AKAP19: variants seen among roughly 807,000 people sequenced by gnomAD.
AKAP19 encodes small A-kinase anchoring protein.
chr2:190,187,840 G>C, the AKAP19 span, among the ~76,000 whole-genome samples: 5 of 152,188 alleles, frequency 3.3e-5, no homozygotes, highest in Non-Finnish European at 7.3e-5. Flanking sequence ...GCGATGGACT[G>C]AGACCCTGGC....
the AKAP19 span, among the ~76,000 whole-genome samples, chr2:189,892,256 T>A: frequency 1.3e-5 from 2 of 152,094 alleles, no homozygotes; most frequent in Non-Finnish European, 2.9e-5. Context: ...ACTCATTATC[T>A]GTCCAGTTTT....
chr2:190,132,146 ATAAAT>A, the AKAP19 span, among the ~76,000 whole-genome samples: 9 of 152,360 alleles, frequency 5.9e-5, 1 homozygote, highest in Admixed American at 5.9e-4. Context: ...CATTTATGAA[ATAAAT>A]TGAAGACACA....
chr2:190,200,701 G>A, the AKAP19 span: 1 of 169,734 alleles, frequency 5.9e-6, no homozygotes, highest in Non-Finnish European at 1.4e-5. Context: ...GATGAGAAGT[G>A]TAACTACCAC....
the AKAP19 span, among the ~76,000 whole-genome samples, chr2:189,945,800 A>C: frequency 1.3e-5 from 2 of 152,138 alleles, no homozygotes; most frequent in Non-Finnish European, 2.9e-5. Flanking sequence ...TCAGGAGACT[A>C]TTTATTCTGA....
At chr2:190,123,846 C>A in the AKAP19 span, among the ~76,000 whole-genome samples, 2 of 152,148 alleles carry the variant, frequency 1.3e-5, no homozygotes, top group Non-Finnish European at 2.9e-5. Context: ...GAAGATCCAC[C>A]CTCAATGTGA....
At chr2:189,982,786 G>A in the AKAP19 span, among the ~76,000 whole-genome samples, 15 of 151,998 alleles carry the variant, frequency 9.9e-5, no homozygotes, top group Admixed American at 3.3e-4. Flanking sequence ...CTCTGTAGGG[G>A]CTCTTTGGTT....
chr2:189,954,658 A>G, the AKAP19 span, among the ~76,000 whole-genome samples: 1 of 152,154 alleles, frequency 6.6e-6, no homozygotes, highest in African/African-American at 2.4e-5. Context: ...CAACTAACAC[A>G]TTTTTGCATC....
At chr2:190,067,428 A>G in the AKAP19 span, among the ~76,000 whole-genome samples, 88 of 152,298 alleles carry the variant, frequency 5.8e-4, no homozygotes, top group African/African-American at 2.0e-3. Flanking sequence ...TTTAACTTAC[A>G]GTCCCCTCCT....
the AKAP19 span, among the ~76,000 whole-genome samples, chr2:190,168,302 G>C: frequency 1.7e-4 from 26 of 152,224 alleles, no homozygotes; most frequent in African/African-American, 6.0e-4. Context: ...CACAGCATGG[G>C]TAGCCTGGGC....
At chr2:190,144,190 A>AG in the AKAP19 span, among the ~76,000 whole-genome samples, 6 of 150,544 alleles carry the variant, frequency 4.0e-5, no homozygotes, top group East Asian at 1.9e-4. Context: ...AGAAAAGAAA[A>AG]AAAATATTAA....
At chr2:190,198,814 T>TCCTTAAGTC in the AKAP19 span, among the ~76,000 whole-genome samples, 9 of 152,116 alleles carry the variant, frequency 5.9e-5, no homozygotes, top group Non-Finnish European at 1.0e-4. Flanking sequence ...GTTTTAGTTA[T>TCCTTAAGTC]CCTTAAGTCC....
At chr2:190,121,830 G>C in the AKAP19 span, among the ~76,000 whole-genome samples, 1 of 152,196 alleles carries the variant, frequency 6.6e-6, no homozygotes, top group Non-Finnish European at 1.5e-5. Context: ...ATTACTTAGA[G>C]GTTGGTCCTA....
the AKAP19 span, among the ~76,000 whole-genome samples, chr2:189,944,986 T>G: frequency 6.6e-6 from 1 of 152,152 alleles, no homozygotes; most frequent in Non-Finnish European, 1.5e-5. Context: ...AATATGCTCC[T>G]AAATGACCAA....
the AKAP19 span, among the ~76,000 whole-genome samples, chr2:190,074,277 A>G: frequency 6.6e-6 from 1 of 152,184 alleles, no homozygotes; most frequent in Non-Finnish European, 1.5e-5. Context: ...AAAAGAAATG[A>G]GAGGGGAATA....
the AKAP19 span, among the ~76,000 whole-genome samples, chr2:190,190,575 G>T: frequency 8.6e-5 from 13 of 150,818 alleles, no homozygotes; most frequent in African/African-American, 3.1e-4. Context: ...ATCTAGAAAT[G>T]AAATGGCTGG....
the AKAP19 span, among the ~76,000 whole-genome samples, chr2:190,038,901 T>TTTCTTCTTCTTC: frequency 6.8e-3 from 312 of 45,992 alleles, 9 homozygotes; most frequent in Non-Finnish European, 9.3e-3. Flanking sequence ...TCTTTCTTTC[T>TTTCTTCTTCTTC]TTCTTCTTCT....
At chr2:190,162,108 C>T in the AKAP19 span, among the ~76,000 whole-genome samples, 4 of 152,000 alleles carry the variant, frequency 2.6e-5, no homozygotes, top group South Asian at 4.2e-4. Context: ...TGTGAGCAAA[C>T]GTGTTTTCTT....
At chr2:190,145,858 A>AAT in the AKAP19 span, among the ~76,000 whole-genome samples, 2 of 141,518 alleles carry the variant, frequency 1.4e-5, no homozygotes, top group East Asian at 2.0e-4. Context: ...TATAAAAAGA[A>AAT]ATATATATAT....
At chr2:190,005,263 T>A in the AKAP19 span, among the ~76,000 whole-genome samples, 1 of 152,212 alleles carries the variant, frequency 6.6e-6, no homozygotes, top group South Asian at 2.1e-4. Flanking sequence ...GGTGGCCAGC[T>A]TTTATTCCCT....
Sources: allele counts gnomAD v4.1 joint callset (sites outside exome capture counted in the v4.1 genomes callset), GRCh38; gene constraint gnomAD v4.1.1; transcripts MANE v1.5; gene names NCBI Gene and HGNC (gene_info 2026-07-23, HGNC 2026-07-21).